PCDHA5: variants seen among roughly 807,000 people sequenced by gnomAD.
The protein encoded by PCDHA5 is protocadherin alpha-5.
In PCDHA5, 43 loss-of-function variants were observed where a neutral mutation model predicts 61.6. The observed-to-expected ratio is 0.70, with a 90% confidence interval of 0.55 to 0.90. PCDHA5 has a LOEUF of 0.90. Among genes scored for constraint, PCDHA5 ranks in the 40% least tolerant of loss-of-function variants. The pLI is 0.00. For missense variants in PCDHA5, 1,298 were observed against 1,222.7 expected (o/e 1.06, Z -0.92); for synonymous variants, 627 against 543.9 (o/e 1.15, Z -2.13).
chr5:140,842,992 C>A, intron 1 of PCDHA5: 1 of 1,594,970 alleles, frequency 6.3e-7, no homozygotes, highest in Non-Finnish European at 8.6e-7. Flanking sequence ...TCGTGCTGGA[C>A]GAGAATGACA....
At chr5:140,917,906 G>C (rs1334892378) in intron 1 of PCDHA5, among the ~76,000 whole-genome samples, 1 of 151,938 alleles carries the variant, frequency 6.6e-6, no homozygotes, top group East Asian at 1.9e-4. Flanking sequence ...TGTTAGGATA[G>C]TTTGTTTTTC....
chr5:140,868,792 C>A, intron 1 of PCDHA5: 1 of 326,784 alleles, frequency 3.1e-6, no homozygotes, highest in South Asian at 7.0e-5. Context: ...TCTGAATATT[C>A]CATAAATAAG....
chr5:140,926,881 C>G, intron 1 of PCDHA5: 1 of 1,541,960 alleles, frequency 6.5e-7, no homozygotes, highest in Non-Finnish European at 8.8e-7. Context: ...AACGTGGACG[C>G]CTAGAGGGAG....
At chr5:140,883,667 A>G in intron 1 of PCDHA5, 1 of 1,613,568 alleles carries the variant, frequency 6.2e-7, no homozygotes. Context: ...CGTGAAGGAA[A>G]ACAATCCGCC....
chr5:140,969,408 T>C (rs2096327357), intron 1 of PCDHA5: 6 of 1,573,824 alleles, frequency 3.8e-6, no homozygotes, highest in Non-Finnish European at 5.2e-6. Flanking sequence ...GATTTGGCTT[T>C]ATTGAGTCAT....
chr5:140,878,600 A>G (rs2153362487), intron 1 of PCDHA5, among the ~76,000 whole-genome samples: 1 of 152,320 alleles, frequency 6.6e-6, no homozygotes, highest in East Asian at 1.9e-4. Context: ...TACCAAGTGA[A>G]TCTTCTAATG....
chr5:140,991,172 G>T (rs2097436221), intron 3 of PCDHA5, among the ~76,000 whole-genome samples: 1 of 152,160 alleles, frequency 6.6e-6, no homozygotes, highest in Non-Finnish European at 1.5e-5. Flanking sequence ...CCATTGTCAA[G>T]CAGGATGCCT....
chr5:140,830,617 T>C, intron 1 of PCDHA5: 1 of 601,712 alleles, frequency 1.7e-6, no homozygotes, highest in Non-Finnish European at 2.5e-6. Context: ...CATTTTATTG[T>C]GTTTCTTATT....
chr5:140,975,016 G>T (rs782435284), intron 1 of PCDHA5, among the ~76,000 whole-genome samples: 6 of 152,128 alleles, frequency 3.9e-5, no homozygotes, highest in Non-Finnish European at 8.8e-5. Context: ...AACACAGCTG[G>T]GCTGTGTTGT....
At chr5:140,856,242 T>C (rs1202551683) in intron 1 of PCDHA5, 3 of 1,597,874 alleles carry the variant, frequency 1.9e-6, no homozygotes, top group Admixed American at 1.7e-5. Flanking sequence ...CTGTTCCGGG[T>C]GGCGTCCAAA....
chr5:140,884,988 ATGTT>A (rs1398620689), intron 1 of PCDHA5, among the ~76,000 whole-genome samples: 1 of 152,242 alleles, frequency 6.6e-6, no homozygotes, highest in Non-Finnish European at 1.5e-5. Context: ...CATTTAGAAA[ATGTT>A]TGTTTTAATG....
chr5:140,997,107 C>T (rs1346636277), intron 3 of PCDHA5, among the ~76,000 whole-genome samples: 3 of 152,094 alleles, frequency 2.0e-5, no homozygotes, highest in African/African-American at 7.2e-5. Flanking sequence ...TCATGCACTC[C>T]TGCTCTCCCA....
intron 3 of PCDHA5, among the ~76,000 whole-genome samples, chr5:140,999,125 G>C (rs1554256627): frequency 6.6e-6 from 1 of 152,152 alleles, no homozygotes; most frequent in South Asian, 2.1e-4. Context: ...TTCTAAGCTG[G>C]AAAATGTCAC....
chr5:140,999,987 G>T (rs1033618024), intron 3 of PCDHA5, among the ~76,000 whole-genome samples: 6 of 152,042 alleles, frequency 3.9e-5, no homozygotes, highest in Non-Finnish European at 7.4e-5. Context: ...CGGCCTCTGG[G>T]TAGTGGTATT....
Position 140,836,318 on chromosome 5 carries a change from C to G in PCDHA5, c.2352+12191C>G, listed in dbSNP as rs1774367282. The G allele has an allele frequency of 1.9e-6, 3 of 1,613,634 alleles. No individual in the cohort carries two copies. Among genetic ancestry groups the G allele is most frequent in the Non-Finnish European group, 2.5e-6 (3 of 1,179,838 alleles). On this transcript the variant is annotated intron_variant, in intron 1 of 3. Coordinates refer to ENST00000529859, the MANE Select transcript of PCDHA5 (RefSeq NM_018908.3). ...TAGATGAGACGGACGCACCGCGCCA[C>G]CGCCTTCTGGTGCTTGTGAAGGACC... is the stretch of plus-strand genomic sequence containing the variant.
intron 1 of PCDHA5, chr5:140,834,241 G>A: frequency 1.2e-6 from 1 of 811,066 alleles, no homozygotes; most frequent in East Asian, 2.6e-5. Context: ...ATTCCTTTTC[G>A]CACTGGAAAG....
chr5:140,927,427 G>C, intron 1 of PCDHA5: 2 of 1,614,114 alleles, frequency 1.2e-6, no homozygotes, highest in African/African-American at 1.3e-5. Flanking sequence ...GCGGGTTGAC[G>C]GCAGCGAATA....
intron 1 of PCDHA5, among the ~76,000 whole-genome samples, chr5:140,920,617 G>A (rs569983611): frequency 9.7e-4 from 148 of 152,170 alleles, no homozygotes; most frequent in African/African-American, 2.6e-3. Context: ...AGGCCGAGGC[G>A]GATGGATCAC....
chr5:140,977,681 A>G (rs1363970729), intron 1 of PCDHA5, among the ~76,000 whole-genome samples: 2 of 152,208 alleles, frequency 1.3e-5, no homozygotes, highest in African/African-American at 4.8e-5. Context: ...AATATCATGT[A>G]GCCATCCAGA....
Sources: allele counts gnomAD v4.1 joint callset (sites outside exome capture counted in the v4.1 genomes callset), GRCh38; gene constraint gnomAD v4.1.1; transcripts MANE v1.5; gene names NCBI Gene and HGNC (gene_info 2026-07-23, HGNC 2026-07-21).